The following PRPF39 variants were observed in gnomAD, a reference collection of about 807,000 sequenced individuals.
The protein encoded by PRPF39 is pre-mRNA processing factor 39, also known as pre-mRNA-processing factor 39.
PRPF39 carries 27 observed loss-of-function variants against 82.1 expected under a neutral mutation model. That is an observed-to-expected ratio of 0.33 (90% CI 0.24 to 0.45). The LOEUF is 0.45. PRPF39 is among the 20% of genes least tolerant of loss of function. The probability of loss-of-function intolerance (pLI) is 1.00; values close to 1 mark genes in which losing one functional copy is unlikely to be tolerated. For synonymous variants in PRPF39, 261 were observed against 256.4 expected, an observed-to-expected ratio of 1.02 and a Z score of -0.17; for missense variants, 581 against 796.9, an observed-to-expected ratio of 0.73 and a Z score of 3.26.
intron 1 of PRPF39, among the ~76,000 whole-genome samples, chr14:45,087,525 A>G (rs901694985): frequency 6.6e-6 from 1 of 151,520 alleles, no homozygotes; most frequent in African/African-American, 2.4e-5. Context: ...AGGTTAAGTA[A>G]TTGGCTCAGA....
At chr14:45,103,185 G>C (rs1441273792) in intron 5 of PRPF39, among the ~76,000 whole-genome samples, 1 of 151,942 alleles carries the variant, frequency 6.6e-6, no homozygotes, top group African/African-American at 2.4e-5. Context: ...CAAACACTCA[G>C]GTATCATTCC....
intron 6 of PRPF39, 102 bp from the exon 7 acceptor site, chr14:45,108,313 A>C: frequency 1.5e-6 from 2 of 1,302,384 alleles, no homozygotes; most frequent in Non-Finnish European, 1.0e-6. Flanking sequence ...CACTATTCTA[A>C]GACTAAAATA....
chr14:45,102,621 A>G lies in PRPF39; in HGVS notation c.662A>G (p.Asn221Ser), dbSNP rs1179951987. 9.3e-6 allele frequency: 15 copies of G among 1,611,838 alleles called. No individual in the cohort carries two copies. The highest frequency in any genetic ancestry group is 1.3e-5 in the Non-Finnish European group (15 of 1,178,482). Reference protein sequence around the residue: ...MYINWENEQGNLREVTAIYDR... With the variant: ...MYINWENEQGSLREVTAIYDR... ...ATAAACTGGGAAAATGAGCAGGGAAACCTGAGAGAAGTTACAGCTATATAT... is the reference window on the plus strand; with the variant it reads ...ATAAACTGGGAAAATGAGCAGGGAAGCCTGAGAGAAGTTACAGCTATATAT... The change falls in exon 5 of 14, where the codon AAC becomes AGC. Residue 221 changes from asparagine (N) to serine (S), a missense_variant. Physicochemically the swap from Asn to Ser is conservative, Grantham distance 46. Coordinates refer to ENST00000355765, the MANE Select transcript of PRPF39 (RefSeq NM_017922.4).
intron 1 of PRPF39, among the ~76,000 whole-genome samples, chr14:45,088,698 A>G (rs1883921433): frequency 6.6e-6 from 1 of 152,148 alleles, no homozygotes; most frequent in South Asian, 2.1e-4. Flanking sequence ...AGCATATCTT[A>G]TTATCATTAA....
At chr14:45,114,108 G>C in intron 11 of PRPF39, 75 bp from the exon 12 acceptor site, 2 of 1,156,458 alleles carry the variant, frequency 1.7e-6, no homozygotes, top group Non-Finnish European at 2.4e-6. Flanking sequence ...AGTTTCCTAA[G>C]TAAAAACAAC....
intron 11 of PRPF39, among the ~76,000 whole-genome samples, 186 bp from the exon 12 acceptor site, chr14:45,113,997 T>C (rs1322739145): frequency 1.3e-5 from 2 of 152,192 alleles, no homozygotes; most frequent in African/African-American, 4.8e-5. Context: ...TGTCATTTAG[T>C]CCATTATAAG....
intron 1 of PRPF39, among the ~76,000 whole-genome samples, chr14:45,088,678 C>G (rs1393261642): frequency 6.6e-6 from 1 of 152,092 alleles, no homozygotes; most frequent in Non-Finnish European, 1.5e-5. Context: ...AAAATATTTG[C>G]TCAATAAATA....
At chr14:45,111,700 G>A (rs908304111) in intron 10 of PRPF39, among the ~76,000 whole-genome samples, 12 of 140,428 alleles carry the variant, frequency 8.5e-5, no homozygotes, top group African/African-American at 1.1e-4. Flanking sequence ...GTGCAGTAGC[G>A]TGATCTCAGC....
chr14:45,087,137 T>C (rs1883856465), intron 1 of PRPF39, among the ~76,000 whole-genome samples: 1 of 152,198 alleles, frequency 6.6e-6, no homozygotes. Context: ...TTTCGCTCTG[T>C]CGCCCAGGTT....
In PRPF39 at chr14:45,102,618, G is replaced by A. The variant is rs777731236; in HGVS notation, c.659G>A (p.Gly220Glu). 2 of 1,611,744 alleles carry A rather than the reference G, an allele frequency of 1.2e-6. No individual in the cohort carries two copies. Among genetic ancestry groups the A allele is most frequent in the Non-Finnish European group, 1.7e-6 (2 of 1,178,282 alleles). ...TATATAAACTGGGAAAATGAGCAGGGAAACCTGAGAGAAGTTACAGCTATA... is the reference window on the plus strand; with the variant it reads ...TATATAAACTGGGAAAATGAGCAGGAAAACCTGAGAGAAGTTACAGCTATA... The part of the protein sequence containing the change: ...EMYINWENEQ[G>E]NLREVTAIYD... The change falls in exon 5 of 14, where the codon GGA (glycine) becomes GAA (glutamate). Residue 220 changes from glycine (G) to glutamate (E), a missense_variant. Transcript: ENST00000355765.
chr14:45,092,663 T>A (rs1262707848), intron 1 of PRPF39, among the ~76,000 whole-genome samples: 2 of 145,090 alleles, frequency 1.4e-5, no homozygotes, highest in African/African-American at 5.0e-5. Flanking sequence ...TATTCTTCAA[T>A]CCAAAAGTTA....
At chr14:45,108,968 A>G (rs749600056) in intron 7 of PRPF39, among the ~76,000 whole-genome samples, 4 of 152,304 alleles carry the variant, frequency 2.6e-5, no homozygotes, top group African/African-American at 7.2e-5. Context: ...AGTTCTTAGT[A>G]TATTCACAGA....
intron 1 of PRPF39, among the ~76,000 whole-genome samples, chr14:45,090,753 G>A (rs1346312433): frequency 6.6e-6 from 1 of 151,974 alleles, no homozygotes; most frequent in Admixed American, 6.6e-5. Context: ...TGTATGTGTT[G>A]TGTGTTAGCT....
intron 1 of PRPF39, among the ~76,000 whole-genome samples, chr14:45,085,393 T>G (rs1029137143): frequency 1.3e-5 from 2 of 152,200 alleles, no homozygotes; most frequent in Non-Finnish European, 2.9e-5. Context: ...GTGTAAAGTC[T>G]CAGAATATTT....
chr14:45,110,500 T>C lies in PRPF39; in HGVS notation c.1304-49T>C, dbSNP rs1394784468. 1 of 1,508,004 alleles carries C rather than the reference T, an allele frequency of 6.6e-7. No individual in the cohort carries two copies. The highest frequency in any genetic ancestry group is 9.0e-7 in the Non-Finnish European group (1 of 1,115,060). 93.4% of individuals were successfully genotyped at this position (1,508,004 alleles called of 1,614,324 possible). A position where few individuals can be genotyped will look rare whatever the true frequency, so the allele number is the denominator to read the frequency against. On this transcript the variant is annotated intron_variant, in intron 9 of 13. Transcript: ENST00000355765. This position sits in a 1 kb window ranked among gnomAD's most constrained non-coding sequence, Gnocchi z 4.0. ...GTTGCCAGTATCTGGTTATAAACGT[T>C]ATTTTGGTTGTTTAAACCAAAGCAT... is the stretch of plus-strand genomic sequence containing the variant.
At chr14:45,095,078 T>G in intron 1 of PRPF39, 143 bp from the exon 2 acceptor site, 2 of 482,236 alleles carry the variant, frequency 4.1e-6, no homozygotes, top group Non-Finnish European at 7.3e-6. Flanking sequence ...CTAATGAACC[T>G]TCTGATTCTG....
intron 3 of PRPF39, 90 bp downstream of exon 3, chr14:45,096,318 GCTGGCAGTACCTAC>G: frequency 1.5e-6 from 2 of 1,292,432 alleles, no homozygotes; most frequent in Non-Finnish European, 2.0e-6. Flanking sequence ...TTTTTTTTTG[GCTGGCAGTACCTAC>G]CATTTATGGT....
intron 2 of PRPF39, 56 bp downstream of exon 2, chr14:45,095,619 A>G (rs1884173388): frequency 2.1e-6 from 3 of 1,462,534 alleles, no homozygotes; most frequent in Middle Eastern, 3.7e-4. Flanking sequence ...TCATTAATTT[A>G]TAATGAAACA....
intron 6 of PRPF39, 113 bp downstream of exon 6, chr14:45,107,729 G>A (rs1298207038): frequency 9.6e-7 from 1 of 1,040,172 alleles, no homozygotes; most frequent in Non-Finnish European, 1.4e-6. Flanking sequence ...CGGAGTTTGA[G>A]ACCCATGTAG....
Sources: allele counts gnomAD v4.1 joint callset (sites outside exome capture counted in the v4.1 genomes callset), GRCh38; gene constraint gnomAD v4.1.1; non-coding constraint Gnocchi (gnomAD v3.1); transcripts MANE v1.5; gene names NCBI Gene and HGNC (gene_info 2026-07-23, HGNC 2026-07-21).